ARHGAP26: variants seen among roughly 807,000 people sequenced by gnomAD.
ARHGAP26 encodes the protein Rho GTPase activating protein 26.
Under a neutral mutation model 104.8 loss-of-function variants are expected in ARHGAP26, and 38 were observed. That is an observed-to-expected ratio of 0.36 (90% CI 0.28 to 0.48). ARHGAP26 has a LOEUF of 0.48. Among genes scored for constraint, ARHGAP26 ranks in the 20% least tolerant of loss-of-function variants. The pLI is 0.99. For synonymous variants in ARHGAP26, 341 were observed against 340.0 expected (o/e 1.00, Z -0.03); for missense variants, 704 against 947.9 (o/e 0.74, Z 3.38).
intron 8 of ARHGAP26, among the ~76,000 whole-genome samples, chr5:142,904,158 T>G (rs1426413518): frequency 2.0e-5 from 3 of 151,964 alleles, no homozygotes; most frequent in Non-Finnish European, 4.4e-5. Context: ...TTCCAACACT[T>G]GAATTTTATG....
In ARHGAP26 at chr5:142,855,982, G is replaced by A. The variant is rs540980283; in HGVS notation, c.155-17418G>A. On this transcript the variant is annotated intron_variant, in intron 1 of 22. Coordinates refer to ENST00000645722, the MANE Select transcript of ARHGAP26 (RefSeq NM_001135608.3). ...CTACTCCTTTAAGAGGTGTATAATCGCGGCTGTGAGAAGTCACACAGCAGA... is the reference window on the plus strand; with the variant it reads ...CTACTCCTTTAAGAGGTGTATAATCACGGCTGTGAGAAGTCACACAGCAGA... Among the ~76,000 whole-genome samples the A allele has an allele frequency of 2.1e-4, 32 of 152,230 alleles. No homozygotes were observed. The South Asian group carries it at 2.5e-3, about 12-fold the overall frequency.
rs1263377762 is a variant in ARHGAP26, at chr5:143,228,719, G to C, written c.*6273G>C. 1 of 205,080 alleles carries C rather than the reference G, an allele frequency of 4.9e-6. No homozygotes were observed. Among genetic ancestry groups the C allele is most frequent in the African/African-American group, 2.3e-5 (1 of 43,800 alleles). The allele number at this position is 205,080 out of a possible 1,614,324, so 12.7% of individuals were successfully genotyped here. ...ATGTTTTCTTTTAAAATAACGCACT[G>C]TTCTAAACTTCAGTATTGACTATTG... On this transcript the variant is annotated 3_prime_UTR_variant, in exon 23 of 23. Coordinates refer to ENST00000645722, the MANE Select transcript of ARHGAP26 (RefSeq NM_001135608.3).
chr5:142,969,005 C>T (rs374146845), intron 11 of ARHGAP26, among the ~76,000 whole-genome samples: 20 of 152,252 alleles, frequency 1.3e-4, no homozygotes, highest in East Asian at 1.2e-3. Flanking sequence ...ACTCATGGCT[C>T]ATTGTAGCCT....
At chr5:142,874,004 A>G (rs1043098617) in intron 2 of ARHGAP26, among the ~76,000 whole-genome samples, 4 of 152,208 alleles carry the variant, frequency 2.6e-5, no homozygotes, top group African/African-American at 9.7e-5. Flanking sequence ...AATTTGATCT[A>G]CTGGCTCCCT....
At chr5:143,009,680 A>G (rs1046742690) in intron 11 of ARHGAP26, among the ~76,000 whole-genome samples, 1 of 152,252 alleles carries the variant, frequency 6.6e-6, no homozygotes, top group Non-Finnish European at 1.5e-5. Context: ...CTTCTTCAGA[A>G]GCATATACTT....
chr5:143,031,085 C>A (rs994474948), intron 12 of ARHGAP26, among the ~76,000 whole-genome samples: 1 of 152,194 alleles, frequency 6.6e-6, no homozygotes, highest in Non-Finnish European at 1.5e-5. Flanking sequence ...GGCTCCCGTG[C>A]GAAATCCACA....
chr5:143,091,914 A>C (rs1029362242), intron 17 of ARHGAP26, among the ~76,000 whole-genome samples: 2 of 152,202 alleles, frequency 1.3e-5, no homozygotes, highest in South Asian at 2.1e-4. Context: ...TTAACCTTTT[A>C]ATGTAGGTAG....
chr5:142,992,279 G>C (rs1775722426), intron 11 of ARHGAP26, among the ~76,000 whole-genome samples: 1 of 152,014 alleles, frequency 6.6e-6, no homozygotes, highest in South Asian at 2.1e-4. Context: ...TTGGCATCAA[G>C]ATGTAAGGTG....
At chr5:143,088,936 G>A (rs1466725235) in intron 17 of ARHGAP26, among the ~76,000 whole-genome samples, 3 of 152,136 alleles carry the variant, frequency 2.0e-5, no homozygotes, top group Non-Finnish European at 4.4e-5. Flanking sequence ...TAATGGGAAT[G>A]AGTCAGGGTG....
At chr5:143,032,684 C>T (rs1465190658) in intron 12 of ARHGAP26, among the ~76,000 whole-genome samples, 3 of 152,216 alleles carry the variant, frequency 2.0e-5, no homozygotes, top group Non-Finnish European at 4.4e-5. Flanking sequence ...GAGATTAGGA[C>T]TAATGATCTG....
At chr5:142,794,379 G>T (rs1184231187) in intron 1 of ARHGAP26, among the ~76,000 whole-genome samples, 1 of 152,174 alleles carries the variant, frequency 6.6e-6, no homozygotes, top group Non-Finnish European at 1.5e-5. Context: ...ACAGAAGGAG[G>T]GGGGACAGAG....
chr5:142,781,935 T>C (rs1316234097), intron 1 of ARHGAP26, among the ~76,000 whole-genome samples: 1 of 152,210 alleles, frequency 6.6e-6, no homozygotes, highest in African/African-American at 2.4e-5. Context: ...CAGGATGGTC[T>C]CAATCTCCTG....
intron 6 of ARHGAP26, among the ~76,000 whole-genome samples, chr5:142,896,698 G>C (rs1423922309): frequency 6.6e-6 from 1 of 152,168 alleles, no homozygotes; most frequent in East Asian, 1.9e-4. Flanking sequence ...TTCACTTTAA[G>C]AAGCAGTAGC....
chr5:142,825,380 A>C (rs1767033308), intron 1 of ARHGAP26, among the ~76,000 whole-genome samples: 1 of 151,966 alleles, frequency 6.6e-6, no homozygotes, highest in South Asian at 2.1e-4. Context: ...CCACTGTTGG[A>C]GGGGCTGGAG....
intron 20 of ARHGAP26, among the ~76,000 whole-genome samples, chr5:143,173,666 A>G (rs749279739): frequency 6.6e-6 from 1 of 152,188 alleles, no homozygotes; most frequent in Non-Finnish European, 1.5e-5. Flanking sequence ...TAACTTGCCC[A>G]AAGTCCACAA....
intron 22 of ARHGAP26, among the ~76,000 whole-genome samples, chr5:143,214,690 G>T (rs1033574476): frequency 6.6e-6 from 1 of 152,132 alleles, no homozygotes; most frequent in Non-Finnish European, 1.5e-5. Flanking sequence ...CATTGTGTGT[G>T]CCCAGCCCCT....
intron 12 of ARHGAP26, among the ~76,000 whole-genome samples, chr5:143,022,235 C>G (rs1167508549): frequency 6.6e-6 from 1 of 152,104 alleles, no homozygotes; most frequent in Non-Finnish European, 1.5e-5. Context: ...CCACACCTGG[C>G]TAATTTTTTT....
intron 2 of ARHGAP26, chr5:142,874,822 T>C (rs1427476704): frequency 1.7e-5 from 5 of 301,680 alleles, no homozygotes; most frequent in Non-Finnish European, 3.1e-5. Flanking sequence ...GCCCGGGGCC[T>C]GGAAGCCTGC....
At chr5:143,096,699 A>G (rs1386876690) in intron 17 of ARHGAP26, among the ~76,000 whole-genome samples, 1 of 150,398 alleles carries the variant, frequency 6.6e-6, no homozygotes, top group Non-Finnish European at 1.5e-5. Flanking sequence ...TTTTTTTTTA[A>G]TCTGTGAGTG....
Sources: allele counts gnomAD v4.1 joint callset (sites outside exome capture counted in the v4.1 genomes callset), GRCh38; gene constraint gnomAD v4.1.1; transcripts MANE v1.5; gene names NCBI Gene and HGNC (gene_info 2026-07-23, HGNC 2026-07-21).